The following CDH8 variants were observed in gnomAD, a reference collection of about 807,000 sequenced individuals.
The protein encoded by CDH8 is cadherin 8, also known as cadherin-8.
CDH8 carries 17 observed loss-of-function variants against 68.1 expected under a neutral mutation model. That is an observed-to-expected ratio of 0.25 (90% CI 0.17 to 0.37). The LOEUF (loss-of-function observed/expected upper bound fraction) is 0.37, where lower values mean the gene tolerates loss of function less well. Among genes scored for constraint, CDH8 ranks in the 10% least tolerant of loss-of-function variants. CDH8 has a pLI of 1.00. For missense variants in CDH8, 763 were observed against 999.3 expected, an observed-to-expected ratio of 0.76 and a Z score of 3.19; for synonymous variants, 372 against 365.1, an observed-to-expected ratio of 1.02 and a Z score of -0.21.
At chr16:61,848,175 C>T (rs1346406838) in intron 4 of CDH8, among the ~76,000 whole-genome samples, 1 of 152,022 alleles carries the variant, frequency 6.6e-6, no homozygotes, top group Non-Finnish European at 1.5e-5. Context: ...GAGAAAAAAT[C>T]CTGATCCTAC....
intron 2 of CDH8, among the ~76,000 whole-genome samples, chr16:61,967,664 G>A (rs1437720519): frequency 1.3e-5 from 2 of 152,118 alleles, no homozygotes; most frequent in South Asian, 2.1e-4. Flanking sequence ...TGTGACTGAG[G>A]TCAGGGGTGG....
chr16:61,765,872 T>C (rs1960576973), intron 8 of CDH8, among the ~76,000 whole-genome samples: 1 of 152,014 alleles, frequency 6.6e-6, no homozygotes, highest in Non-Finnish European at 1.5e-5. Flanking sequence ...GAATTGAAAA[T>C]AGTCTATTGA....
At chr16:61,985,443 T>C (rs1965609820) in intron 2 of CDH8, among the ~76,000 whole-genome samples, 1 of 152,220 alleles carries the variant, frequency 6.6e-6, no homozygotes, top group African/African-American at 2.4e-5. Flanking sequence ...AATGCACTAT[T>C]GGACAGAACA....
At chr16:62,025,882 A>C (rs1902187429) in intron 1 of CDH8, among the ~76,000 whole-genome samples, 1 of 151,136 alleles carries the variant, frequency 6.6e-6, no homozygotes, top group Admixed American at 6.6e-5. Flanking sequence ...AAATAATATA[A>C]TATTATTATT....
intron 10 of CDH8, among the ~76,000 whole-genome samples, chr16:61,660,709 A>G (rs551400969): frequency 2.0e-5 from 3 of 152,214 alleles, no homozygotes; most frequent in Admixed American, 1.3e-4. Context: ...TTGACTCATC[A>G]CTTAACAGCA....
At chr16:61,945,883 G>T (rs141351799) in intron 2 of CDH8, among the ~76,000 whole-genome samples, 2 of 152,172 alleles carry the variant, frequency 1.3e-5, no homozygotes, top group African/African-American at 4.8e-5. Context: ...TATTTCCTCC[G>T]ATTTTTCTTC....
intron 7 of CDH8, among the ~76,000 whole-genome samples, chr16:61,792,944 A>G (rs1237277493): frequency 6.6e-6 from 1 of 151,972 alleles, no homozygotes; most frequent in Non-Finnish European, 1.5e-5. Context: ...GGGACACAAC[A>G]TTCTATGATT....
intron 2 of CDH8, among the ~76,000 whole-genome samples, chr16:61,968,131 G>T (rs1403413132): frequency 2.0e-5 from 3 of 152,040 alleles, no homozygotes; most frequent in Non-Finnish European, 4.4e-5. Flanking sequence ...TAAGAACAAT[G>T]GTTCTTTAAC....
intron 8 of CDH8, among the ~76,000 whole-genome samples, chr16:61,758,469 G>T (rs926460495): frequency 1.3e-5 from 2 of 152,084 alleles, no homozygotes; most frequent in African/African-American, 4.8e-5. Context: ...TTTTGCTCTT[G>T]TTGTCCAGGC....
chr16:61,751,882 C>A (rs1411340339), intron 8 of CDH8, among the ~76,000 whole-genome samples: 2 of 152,096 alleles, frequency 1.3e-5, no homozygotes, highest in Admixed American at 1.3e-4. Flanking sequence ...AGCCAATATT[C>A]TTCAAGCCAA....
chr16:61,860,442 T>A (rs1007409174), intron 3 of CDH8, among the ~76,000 whole-genome samples: 2 of 152,130 alleles, frequency 1.3e-5, no homozygotes, highest in African/African-American at 2.4e-5. Flanking sequence ...AGAAAAAGAA[T>A]GAATAATAAG....
intron 7 of CDH8, among the ~76,000 whole-genome samples, chr16:61,816,583 T>A (rs916497577): frequency 3.3e-5 from 5 of 152,176 alleles, no homozygotes; most frequent in African/African-American, 1.2e-4. Flanking sequence ...TTGCAACAAA[T>A]ATTTGTAAGA....
chr16:61,809,216 AC>A (rs941564783), intron 7 of CDH8, among the ~76,000 whole-genome samples: 6 of 152,118 alleles, frequency 3.9e-5, no homozygotes, highest in Non-Finnish European at 7.4e-5. Context: ...CTAAAAAAAA[AC>A]AAAAAAAGTA....
chr16:62,029,348 G>A (rs1902270323), intron 1 of CDH8, among the ~76,000 whole-genome samples: 1 of 152,126 alleles, frequency 6.6e-6, no homozygotes, highest in Admixed American at 6.5e-5. Context: ...GTGTAGACAG[G>A]TAATAAGTAA....
intron 10 of CDH8, among the ~76,000 whole-genome samples, chr16:61,668,440 A>G (rs528509186): frequency 4.7e-4 from 72 of 152,142 alleles, no homozygotes; most frequent in African/African-American, 1.5e-3. Context: ...CACCTCAGGC[A>G]TTGGGGAATG....
intron 2 of CDH8, among the ~76,000 whole-genome samples, chr16:61,974,754 C>T (rs1222947801): frequency 1.3e-5 from 2 of 152,082 alleles, no homozygotes; most frequent in Non-Finnish European, 2.9e-5. Flanking sequence ...CTATGACATC[C>T]AAGATCGTAA....
intron 4 of CDH8, among the ~76,000 whole-genome samples, chr16:61,830,050 A>T (rs16963987): frequency 0.046 from 7,008 of 151,898 alleles, 474 homozygotes; most frequent in African/African-American, 0.15. Context: ...ACAAGCTCCA[A>T]AAATAGAAAA....
At chr16:61,913,119 G>C (rs1454096002) in intron 2 of CDH8, among the ~76,000 whole-genome samples, 2 of 152,068 alleles carry the variant, frequency 1.3e-5, no homozygotes, top group Non-Finnish European at 2.9e-5. Context: ...TCAACAATTT[G>C]CATAGACATA....
intron 2 of CDH8, among the ~76,000 whole-genome samples, chr16:61,950,272 A>T (rs1964871513): frequency 6.6e-6 from 1 of 152,154 alleles, no homozygotes; most frequent in Admixed American, 6.5e-5. Flanking sequence ...CTGTTGAGAG[A>T]AGGTGCAAGA....
Sources: allele counts gnomAD v4.1 joint callset (sites outside exome capture counted in the v4.1 genomes callset), GRCh38; gene constraint gnomAD v4.1.1; transcripts MANE v1.5; gene names NCBI Gene and HGNC (gene_info 2026-07-23, HGNC 2026-07-21).